Variants in TESPA1 observed in about 807,000 individuals in gnomAD.
TESPA1 encodes thymocyte expressed, positive selection associated 1, also known as protein TESPA1.
A neutral mutation model predicts 57.9 loss-of-function variants in TESPA1; 33 were observed. That is an observed-to-expected ratio of 0.57 (90% CI 0.43 to 0.76). The LOEUF is 0.76. TESPA1 is among the 30% of genes least tolerant of loss of function. The pLI is 0.00. For synonymous variants in TESPA1, 227 were observed against 228.9 expected (o/e 0.99, Z 0.07); for missense variants, 618 against 632.9 (o/e 0.98, Z 0.25).
At chr12:54,976,564 G>C (rs146672480) in intron 1 of TESPA1, among the ~76,000 whole-genome samples, 1 of 152,034 alleles carries the variant, frequency 6.6e-6, no homozygotes, top group Non-Finnish European at 1.5e-5. Flanking sequence ...GAGGGAGGGA[G>C]GGAGGGAGGA....
chr12:54,966,449 G>T (rs1360716794), intron 5 of TESPA1, 25 bp from the exon 6 acceptor site: 1 of 1,609,444 alleles, frequency 6.2e-7, no homozygotes, highest in Non-Finnish European at 8.5e-7. Flanking sequence ...GAGAAGCAAA[G>T]AGCAAATTAG....
intron 2 of TESPA1, 100 bp from the exon 3 acceptor site, chr12:54,973,619 C>T (rs963207355): frequency 1.6e-5 from 25 of 1,585,210 alleles, no homozygotes; most frequent in African/African-American, 4.1e-5. Context: ...ACATAAGCTG[C>T]GTCATGAATC....
chr12:54,974,183 C>T (rs1449888484), intron 2 of TESPA1, among the ~76,000 whole-genome samples: 1 of 152,180 alleles, frequency 6.6e-6, no homozygotes, highest in Non-Finnish European at 1.5e-5. Flanking sequence ...CAAAAATGTG[C>T]CCTTCCCTTT....
intron 7 of TESPA1, 45 bp from the exon 8 acceptor site, chr12:54,963,995 C>T: frequency 6.4e-7 from 1 of 1,557,526 alleles, no homozygotes; most frequent in Non-Finnish European, 8.8e-7. Flanking sequence ...CTTTGAGACA[C>T]ATGGTAATTC....
intron 10 of TESPA1, among the ~76,000 whole-genome samples, chr12:54,956,455 G>T (rs1368758115): frequency 6.6e-6 from 1 of 152,168 alleles, no homozygotes; most frequent in Admixed American, 6.5e-5. Flanking sequence ...TGTGATAAAG[G>T]TCAAGTGGTT....
chr12:54,982,534 A>C (rs1952357647), intron 1 of TESPA1, among the ~76,000 whole-genome samples: 1 of 152,218 alleles, frequency 6.6e-6, no homozygotes, highest in South Asian at 2.1e-4. Context: ...AATTTTAAGA[A>C]AGGCTTGTAT....
intron 10 of TESPA1, among the ~76,000 whole-genome samples, chr12:54,952,946 C>T (rs137943239): frequency 0.023 from 3,430 of 152,136 alleles, 59 homozygotes; most frequent in Non-Finnish European, 0.034. Flanking sequence ...TTTTTCTTCC[C>T]CAAACACAAG....
intron 3 of TESPA1, among the ~76,000 whole-genome samples, chr12:54,972,101 T>G (rs1339797842): frequency 6.6e-6 from 1 of 152,252 alleles, no homozygotes; most frequent in Non-Finnish European, 1.5e-5. Context: ...TATGGTTGGT[T>G]AAACACTTAG....
intron 1 of TESPA1, chr12:54,983,909 T>C (rs1333827178): frequency 1.3e-5 from 2 of 152,204 alleles, no homozygotes; most frequent in Non-Finnish European, 2.9e-5. Context: ...CATCCATCTA[T>C]CTATCTTTGA....
At chr12:54,951,733 C>G (rs982212986) in intron 10 of TESPA1, among the ~76,000 whole-genome samples, 20 of 151,854 alleles carry the variant, frequency 1.3e-4, no homozygotes, top group African/African-American at 4.6e-4. Flanking sequence ...AAGACTACAC[C>G]CTCCTTCTTG....
chr12:54,966,857 G>A (rs187439154), intron 5 of TESPA1, among the ~76,000 whole-genome samples: 1 of 152,250 alleles, frequency 6.6e-6, no homozygotes, highest in Admixed American at 6.5e-5. Context: ...GCACAGACTT[G>A]TTTGGAGTTT....
intron 9 of TESPA1, among the ~76,000 whole-genome samples, chr12:54,961,750 C>T (rs897733991): frequency 1.3e-5 from 2 of 152,132 alleles, no homozygotes; most frequent in African/African-American, 2.4e-5. Flanking sequence ...CAGGAATGTG[C>T]GCTGGTTTTG....
chr12:54,954,843 C>T (rs978123336), intron 10 of TESPA1, among the ~76,000 whole-genome samples: 1 of 152,266 alleles, frequency 6.6e-6, no homozygotes, highest in Admixed American at 6.5e-5. Context: ...CACTGATGGA[C>T]ATTAAGTTTG....
chr12:54,972,143 CTT>C, intron 3 of TESPA1, among the ~76,000 whole-genome samples: 1 of 152,322 alleles, frequency 6.6e-6, no homozygotes, highest in African/African-American at 2.4e-5. Flanking sequence ...GTCTTGGAGA[CTT>C]TTCACTAACC....
At chr12:54,963,336 A>G (rs1427578649) in intron 8 of TESPA1, 94 bp from the exon 9 acceptor site, 3 of 1,241,558 alleles carry the variant, frequency 2.4e-6, no homozygotes, top group African/African-American at 3.0e-5. Flanking sequence ...CTCAAAATTC[A>G]GGGAGAAGCT....
At chr12:54,980,681 T>A (rs1235552864) in intron 1 of TESPA1, among the ~76,000 whole-genome samples, 1 of 152,212 alleles carries the variant, frequency 6.6e-6, no homozygotes, top group Non-Finnish European at 1.5e-5. Context: ...TATTTTAATA[T>A]TTTAGCAACT....
chr12:54,982,887 T>C (rs1348935144), intron 1 of TESPA1, among the ~76,000 whole-genome samples: 1 of 152,218 alleles, frequency 6.6e-6, no homozygotes, highest in Non-Finnish European at 1.5e-5. Flanking sequence ...CCTCTACTTA[T>C]TTGACTGAAC....
chr12:54,973,450 C>A (rs749545168), intron 3 of TESPA1, 27 bp downstream of exon 3: 1 of 1,613,922 alleles, frequency 6.2e-7, no homozygotes, highest in South Asian at 1.1e-5. Flanking sequence ...CAGCCACATA[C>A]CACCCCATTG....
At chr12:54,983,224 A>G (rs186943098) in intron 1 of TESPA1, among the ~76,000 whole-genome samples, 3 of 152,222 alleles carry the variant, frequency 2.0e-5, no homozygotes, top group Middle Eastern at 3.4e-3. Context: ...TTTTCAAAAA[A>G]CCCAAGAGTT....
Sources: gnomAD v4.1 joint callset for allele counts (sites outside exome capture counted in the v4.1 genomes callset) on GRCh38, gnomAD v4.1.1 for gene constraint, MANE v1.5 for transcripts, NCBI Gene and HGNC (gene_info 2026-07-23, HGNC 2026-07-21) for gene names.